The following SEC23A variants were observed in gnomAD, a reference collection of about 807,000 sequenced individuals.
SEC23A encodes protein transport protein Sec23A.
In SEC23A, 56 loss-of-function variants were observed where a neutral mutation model predicts 103.7. That is an observed-to-expected ratio of 0.54 (90% CI 0.44 to 0.67). The LOEUF is 0.67. SEC23A is among the 30% of genes least tolerant of loss of function. SEC23A has a pLI of 0.00. For missense variants in SEC23A, 784 were observed against 936.4 expected (o/e 0.84, Z 2.12); for synonymous variants, 281 against 293.0 (o/e 0.96, Z 0.42).
At chr14:39,058,468 C>T (rs560905813) in intron 13 of SEC23A, among the ~76,000 whole-genome samples, 25 of 152,174 alleles carry the variant, frequency 1.6e-4, no homozygotes, top group Admixed American at 7.8e-4. Flanking sequence ...CCACCACGCC[C>T]GGCTAATTTT....
chr14:39,062,229 T>C (rs576754108), intron 12 of SEC23A, among the ~76,000 whole-genome samples: 30 of 152,296 alleles, frequency 2.0e-4, no homozygotes, highest in Admixed American at 4.6e-4. Context: ...ATATCCCTTA[T>C]CCAAAATGCT....
chr14:39,037,441 T>G (rs576361307), intron 19 of SEC23A, among the ~76,000 whole-genome samples: 3 of 152,326 alleles, frequency 2.0e-5, no homozygotes, highest in African/African-American at 7.2e-5. Context: ...GAGAGAGAAG[T>G]ACAATAAACA....
chr14:39,086,363 G>C (rs558364341), intron 6 of SEC23A, among the ~76,000 whole-genome samples: 64 of 152,270 alleles, frequency 4.2e-4, no homozygotes, highest in Non-Finnish European at 6.9e-4. Flanking sequence ...AGCTAGCAGG[G>C]CGCGGTGGCT....
chr14:39,040,739 C>T lies in SEC23A; in HGVS notation c.2135G>A (p.Gly712Asp). The T allele has an allele frequency of 6.2e-7, 1 of 1,614,174 alleles. No homozygotes were observed. The highest frequency in any genetic ancestry group is 8.5e-7 in the Non-Finnish European group (1 of 1,180,030). ...MPRYIDTEHG[G>D]SQARFLLSKV... The stretch of plus-strand genomic sequence containing the variant: ...CAAATTAACACTACTTACCTGGCTG[C>T]CTCCATGTTCAGTGTCAATGTATCT... The change falls in exon 18 of 20, where the codon GGC becomes GAC. Residue 712 changes from glycine to aspartate, a missense_variant. Transcript: ENST00000307712.
chr14:39,098,753 G>A (rs1431798346), intron 1 of SEC23A, among the ~76,000 whole-genome samples: 17 of 149,232 alleles, frequency 1.1e-4, no homozygotes, highest in African/African-American at 3.0e-4. Context: ...TAGCCTGGGC[G>A]ACAGAGTGAG....
chr14:39,039,123 A>G (rs778188071), intron 18 of SEC23A, 27 bp from the exon 19 acceptor site: 1 of 1,598,048 alleles, frequency 6.3e-7, no homozygotes, highest in Non-Finnish European at 8.6e-7. Flanking sequence ...AAATAACATT[A>G]TCCATCAAAA....
At chr14:39,049,494 G>C (rs1885968512) in intron 14 of SEC23A, among the ~76,000 whole-genome samples, 2 of 141,990 alleles carry the variant, frequency 1.4e-5, no homozygotes, top group Non-Finnish European at 3.2e-5. Context: ...AAAAAAATTT[G>C]AGCCAAGTGT....
At position 39,091,542 on chromosome 14, in the gene SEC23A, A is replaced by G. The variant is rs1226498526; in HGVS notation, c.538T>C (p.Cys180Arg). Residue 180 changes from cysteine (C) to arginine (R), a missense_variant, in exon 5 of 20, where the codon TGT (cysteine) becomes CGT (arginine). By Grantham distance (180) the Cys-to-Arg change is radical (BLOSUM62 -3). Around this residue, in one of 2 missense-constraint regions of SEC23A, gnomAD observed 683 missense variants for 774.2 expected, o/e 0.88. Transcript: ENST00000307712. ...ACATAGCTTTTTGAAATGCCTTCAC[A>G]TCCAAGTTCATGAACCTGAACCATT... ...GRMVQVHELGCEGISKSYVFR... is the reference protein window; with the variant it reads ...GRMVQVHELGREGISKSYVFR... The G allele has an allele frequency of 1.2e-6, 2 of 1,614,042 alleles. No homozygotes were observed. The highest frequency in any genetic ancestry group is 1.1e-5 in the South Asian group (1 of 91,086).
chr14:39,072,593 G>C (rs549345808), intron 9 of SEC23A, among the ~76,000 whole-genome samples: 1 of 151,914 alleles, frequency 6.6e-6, no homozygotes, highest in African/African-American at 2.4e-5. Flanking sequence ...CAGGAGGATC[G>C]AGCCCAGGAG....
intron 5 of SEC23A, among the ~76,000 whole-genome samples, chr14:39,089,042 CA>C (rs1488544098): frequency 9.3e-5 from 14 of 149,954 alleles, no homozygotes; most frequent in African/African-American, 3.4e-4. Context: ...GGTGTGGTGG[CA>C]TGCGCCTGTA....
At chr14:39,033,427 C>T in intron 19 of SEC23A, 99 bp from the exon 20 acceptor site, 4 of 65,220 alleles carry the variant, frequency 6.1e-5, no homozygotes, top group Non-Finnish European at 1.1e-4. Context: ...ATTTGAAATG[C>T]CTATGGTCCT....
At chr14:39,042,931 A>G in intron 16 of SEC23A, 59 bp from the exon 17 acceptor site, 1 of 1,010,608 alleles carries the variant, frequency 9.9e-7, no homozygotes, top group Non-Finnish European at 1.6e-6. Context: ...ACTCAATAAT[A>G]TAAAATAGAT....
chr14:39,086,052 C>T, intron 6 of SEC23A, 146 bp from the exon 7 acceptor site: 3 of 733,442 alleles, frequency 4.1e-6, no homozygotes, highest in Non-Finnish European at 7.1e-6. Context: ...TATATGAGAA[C>T]CAGCTGGAGG....
At chr14:39,085,689 TACACACACACACACACACACAC>T (rs59136053) in intron 7 of SEC23A, 51 bp downstream of exon 7, 21 of 1,196,412 alleles carry the variant, frequency 1.8e-5, no homozygotes, top group South Asian at 2.5e-5. Context: ...TAATTATATA[TACACACACACACACACACACAC>T]ACACACACAC....
chr14:39,051,105 C>T (rs966775161), intron 14 of SEC23A, among the ~76,000 whole-genome samples: 2 of 152,152 alleles, frequency 1.3e-5, no homozygotes, highest in African/African-American at 2.4e-5. Flanking sequence ...TTTTCCTAAT[C>T]AAAAACCTAG....
intron 14 of SEC23A, among the ~76,000 whole-genome samples, chr14:39,052,175 G>A (rs1336839216): frequency 6.6e-6 from 1 of 152,018 alleles, no homozygotes; most frequent in Non-Finnish European, 1.5e-5. Flanking sequence ...GGGAGGGAGA[G>A]CATTGGGAAG....
At chr14:39,063,457 T>C (rs374068616) in intron 11 of SEC23A, 44 bp from the exon 12 acceptor site, 135 of 1,189,852 alleles carry the variant, frequency 1.1e-4, no homozygotes, top group Admixed American at 2.2e-4. Flanking sequence ...AGAGACACAA[T>C]TTATTAATTT....
chr14:39,047,969 G>A (rs1885901205), intron 15 of SEC23A, among the ~76,000 whole-genome samples: 1 of 152,162 alleles, frequency 6.6e-6, no homozygotes, highest in Non-Finnish European at 1.5e-5. Flanking sequence ...CCATAAAATT[G>A]TTCTCAGGTG....
At chr14:39,059,614 G>A (rs2139221745) in intron 13 of SEC23A, among the ~76,000 whole-genome samples, 1 of 152,220 alleles carries the variant, frequency 6.6e-6, no homozygotes, top group Non-Finnish European at 1.5e-5. Context: ...TCAGTTGTTA[G>A]CATTTTAACA....
Sources: gnomAD v4.1 joint callset for allele counts (sites outside exome capture counted in the v4.1 genomes callset) on GRCh38, gnomAD v4.1.1 for gene constraint, gnomAD v4.1.1 regional missense constraint, MANE v1.5 for transcripts, NCBI Gene and HGNC (gene_info 2026-07-23, HGNC 2026-07-21) for gene names.